Variants in KCNIP4 observed in about 807,000 individuals in gnomAD.
KCNIP4 encodes the protein potassium voltage-gated channel interacting protein 4.
Under a neutral mutation model 34.0 loss-of-function variants are expected in KCNIP4, and 12 were observed. The observed-to-expected ratio is 0.35, with a 90% CI of 0.23 to 0.57. The LOEUF (loss-of-function observed/expected upper bound fraction) is 0.57, where lower values mean the gene tolerates loss of function less well. KCNIP4 is among the 20% of genes least tolerant of loss of function. The pLI is 0.83. For synonymous variants in KCNIP4, 124 were observed against 102.2 expected, an observed-to-expected ratio of 1.21 and a Z score of -1.29; for missense variants, 238 against 311.7, an observed-to-expected ratio of 0.76 and a Z score of 1.78.
At chr4:20,842,393 A>C (rs1035471266) in intron 3 of KCNIP4, among the ~76,000 whole-genome samples, 5 of 151,940 alleles carry the variant, frequency 3.3e-5, no homozygotes, top group Admixed American at 2.0e-4. Context: ...GAGCAGAGTA[A>C]ATAGGGATGA....
chr4:21,690,916 C>T (rs2109043118), intron 1 of KCNIP4, among the ~76,000 whole-genome samples: 1 of 152,204 alleles, frequency 6.6e-6, no homozygotes, highest in African/African-American at 2.4e-5. Context: ...TGTAAAAAAA[C>T]ATACAGAGAA....
At chr4:21,067,288 C>A (rs1744482735) in intron 1 of KCNIP4, among the ~76,000 whole-genome samples, 1 of 152,104 alleles carries the variant, frequency 6.6e-6, no homozygotes. Context: ...GGGTGAGACT[C>A]AGAGGTGTGC....
intron 1 of KCNIP4, among the ~76,000 whole-genome samples, chr4:21,923,634 G>A (rs12507277): frequency 0.25 from 38,489 of 151,910 alleles, 5,701 homozygotes; most frequent in East Asian, 0.61. Flanking sequence ...ATATTCAAAT[G>A]CTACAAGTTC....
chr4:20,888,894 C>T (rs1327959164), intron 1 of KCNIP4, among the ~76,000 whole-genome samples: 1 of 152,082 alleles, frequency 6.6e-6, no homozygotes, highest in Non-Finnish European at 1.5e-5. Flanking sequence ...GGCTACCATG[C>T]CTGGTTTGTA....
At chr4:21,106,340 C>T (rs940877264) in intron 1 of KCNIP4, among the ~76,000 whole-genome samples, 2 of 151,674 alleles carry the variant, frequency 1.3e-5, no homozygotes, top group East Asian at 1.9e-4. Flanking sequence ...GTGTATGTGT[C>T]GAGGAATTTA....
chr4:21,102,778 A>G (rs1368643), intron 1 of KCNIP4, among the ~76,000 whole-genome samples: 75,910 of 151,990 alleles, frequency 0.5, 20,767 homozygotes, highest in African/African-American at 0.74. Flanking sequence ...TTGTTGGCTT[A>G]TAAAGAACAT....
intron 1 of KCNIP4, among the ~76,000 whole-genome samples, chr4:21,883,538 G>A (rs552473339): frequency 3.7e-4 from 57 of 152,180 alleles, no homozygotes; most frequent in African/African-American, 1.3e-3. Flanking sequence ...TTAGATACAC[G>A]TCATGTGTGA....
At position 21,463,042 on chromosome 4, in the gene KCNIP4, T is replaced by C. The variant is rs117415767; in HGVS notation, c.61+485529A>G. 6.7e-3 allele frequency among the ~76,000 whole-genome samples: 1,020 copies of C among 152,100 alleles called. 49 individuals are homozygous for C. In the East Asian group the frequency reaches 0.12, roughly 18 times the overall value. ...TTTGGATATATATCCAGCAGTGGGA[T>C]TGCTGGATCATAAGGTAGTCCCAGT... is the stretch of plus-strand genomic sequence containing the variant. On this transcript the variant is annotated intron_variant, in intron 1 of 8. Coordinates refer to ENST00000382152, the MANE Select transcript of KCNIP4 (RefSeq NM_025221.6).
chr4:21,608,509 G>A (rs937982780), intron 1 of KCNIP4, among the ~76,000 whole-genome samples: 2 of 152,120 alleles, frequency 1.3e-5, no homozygotes, highest in South Asian at 2.1e-4. Flanking sequence ...TGGTGGCCGA[G>A]TCCTTCTTAC....
At chr4:20,863,942 G>GTA (rs1462687915) in intron 2 of KCNIP4, among the ~76,000 whole-genome samples, 2 of 151,380 alleles carry the variant, frequency 1.3e-5, no homozygotes, top group African/African-American at 2.4e-5. Flanking sequence ...GAGTGTATAT[G>GTA]TATATATATA....
At chr4:21,921,002 CTT>C (rs1728912003) in intron 1 of KCNIP4, among the ~76,000 whole-genome samples, 1 of 152,096 alleles carries the variant, frequency 6.6e-6, no homozygotes, top group Non-Finnish European at 1.5e-5. Flanking sequence ...AATCATTGGA[CTT>C]TTACTTTTAA....
intron 5 of KCNIP4, among the ~76,000 whole-genome samples, chr4:20,742,025 G>A (rs1190300350): frequency 6.6e-6 from 1 of 152,120 alleles, no homozygotes; most frequent in Non-Finnish European, 1.5e-5. Flanking sequence ...CCAGGAAGAA[G>A]TTGAATCCCT....
intron 1 of KCNIP4, among the ~76,000 whole-genome samples, chr4:21,923,319 T>C (rs924132843): frequency 1.3e-5 from 2 of 152,116 alleles, no homozygotes; most frequent in African/African-American, 4.8e-5. Flanking sequence ...TGGTGGCTCA[T>C]ACCTGTAAGC....
chr4:21,237,911 G>T (rs1327252381), intron 1 of KCNIP4, among the ~76,000 whole-genome samples: 7 of 152,222 alleles, frequency 4.6e-5, no homozygotes, highest in African/African-American at 1.7e-4. Flanking sequence ...CCAAAGCCTG[G>T]CAGAGATACA....
chr4:21,351,539 G>A (rs1165452306), intron 1 of KCNIP4, among the ~76,000 whole-genome samples: 1 of 152,116 alleles, frequency 6.6e-6, no homozygotes, highest in Non-Finnish European at 1.5e-5. Context: ...TCTTGAATAT[G>A]TCTTTAAATA....
At chr4:21,103,366 A>T (rs1484907424) in intron 1 of KCNIP4, among the ~76,000 whole-genome samples, 2 of 147,054 alleles carry the variant, frequency 1.4e-5, no homozygotes, top group East Asian at 1.9e-4. Flanking sequence ...TATATAATAT[A>T]TAAGATATAT....
At chr4:20,893,749 A>G (rs752812650) in intron 1 of KCNIP4, among the ~76,000 whole-genome samples, 8 of 151,988 alleles carry the variant, frequency 5.3e-5, no homozygotes, top group Non-Finnish European at 1.2e-4. Flanking sequence ...TCTCACCTGT[A>G]TATGAGGTAA....
Position 20,738,075 on chromosome 4 carries a change from A to G in KCNIP4, c.430-3340T>C, listed in dbSNP as rs117908998. Reference sequence around the variant, plus strand: ...AGCCCAGAAGGTCGAGGCTACAGTGAACTATGATTGCACCACTGTGCTTCA... The same window carrying G: ...AGCCCAGAAGGTCGAGGCTACAGTGGACTATGATTGCACCACTGTGCTTCA... On this transcript the variant is annotated intron_variant, in intron 5 of 8. Coordinates refer to ENST00000382152, the MANE Select transcript of KCNIP4 (RefSeq NM_025221.6). Among the ~76,000 whole-genome samples the G allele has an allele frequency of 2.3e-3, 350 of 152,164 alleles. 7 individuals carry two copies. The South Asian group carries it at 0.046, about 20-fold the overall frequency.
Position 21,694,943 on chromosome 4 carries a change from A to AC in KCNIP4, c.61+253627_61+253628insG, listed in dbSNP as rs750598606. 5.9e-3 allele frequency among the ~76,000 whole-genome samples: 269 copies of AC among 45,328 alleles called. 11 individuals carry two copies. Among genetic ancestry groups the AC allele is most frequent in the African/African-American group, 0.014 (245 of 18,026 alleles). The allele number at this position is 45,328 out of a possible 152,430, so 29.7% of individuals were successfully genotyped here. A position where few individuals can be genotyped will look rare whatever the true frequency, so the allele number is the denominator to read the frequency against. On this transcript the variant is annotated intron_variant, in intron 1 of 8. Transcript: ENST00000382152. ...AAAAAAAAAAAAATAAAAATAAATA[A>AC]ATAAATAAAGGGCTTTTTGGTAAAA...
Sources: gnomAD v4.1 joint callset for allele counts (sites outside exome capture counted in the v4.1 genomes callset) on GRCh38, gnomAD v4.1.1 for gene constraint, MANE v1.5 for transcripts, NCBI Gene and HGNC (gene_info 2026-07-23, HGNC 2026-07-21) for gene names.